TRABD2B: variants seen among roughly 807,000 people sequenced by gnomAD.
The protein encoded by TRABD2B is TraB domain containing 2B.
TRABD2B carries 14 observed loss-of-function variants against 40.1 expected under a neutral mutation model. That is an observed-to-expected ratio of 0.35 (90% confidence interval 0.23 to 0.55). The LOEUF is 0.55. Ranked by LOEUF, TRABD2B falls within the 20% of genes least tolerant of loss-of-function variation. The pLI, the probability that TRABD2B is intolerant of heterozygous loss-of-function variation, is 0.90. For missense variants in TRABD2B, 541 were observed against 648.6 expected, an observed-to-expected ratio of 0.83 and a Z score of 1.80; for synonymous variants, 263 against 277.0, an observed-to-expected ratio of 0.95 and a Z score of 0.50.
chr1:47,887,949 C>T (rs781449860), intron 2 of TRABD2B, among the ~76,000 whole-genome samples: 20 of 152,174 alleles, frequency 1.3e-4, no homozygotes, highest in Admixed American at 3.3e-4. Flanking sequence ...TGCTTCAAAG[C>T]GCCTGTGCCT....
At chr1:47,908,551 C>T (rs1468324467) in intron 2 of TRABD2B, among the ~76,000 whole-genome samples, 3 of 152,194 alleles carry the variant, frequency 2.0e-5, no homozygotes, top group African/African-American at 7.2e-5. Context: ...CCAGTCTGCA[C>T]AGGCTCCTAT....
chr1:47,806,626 A>G (rs564814625), intron 2 of TRABD2B, among the ~76,000 whole-genome samples: 2 of 152,314 alleles, frequency 1.3e-5, no homozygotes, highest in Admixed American at 6.5e-5. Context: ...CCCCTCACCA[A>G]CGCTGGCTGG....
At chr1:47,774,904 G>A (rs1365369248) in intron 6 of TRABD2B, among the ~76,000 whole-genome samples, 2 of 152,252 alleles carry the variant, frequency 1.3e-5, no homozygotes, top group Non-Finnish European at 2.9e-5. Flanking sequence ...AAAGCTGAGT[G>A]CAAAGCAGAT....
intron 2 of TRABD2B, among the ~76,000 whole-genome samples, chr1:47,814,167 G>A (rs993622444): frequency 2.0e-5 from 3 of 152,352 alleles, no homozygotes; most frequent in South Asian, 2.1e-4. Flanking sequence ...TGGGGGCTGC[G>A]GTGAAGCTGG....
rs1644419882 is a variant in TRABD2B, at chr1:47,889,726, C to T, written c.667-88107G>A. ...CTGGACTGGGGCATTTCTACTCAACCTCCAGTCCTTGGCCCCTGAGGCATG... is the reference window on the plus strand; with the variant it reads ...CTGGACTGGGGCATTTCTACTCAACTTCCAGTCCTTGGCCCCTGAGGCATG... On this transcript the variant is annotated intron_variant, in intron 2 of 6. Coordinates refer to ENST00000606738, the MANE Select transcript of TRABD2B (RefSeq NM_001194986.2). 1.3e-5 allele frequency among the ~76,000 whole-genome samples: 2 copies of T among 152,202 alleles called. 1 individual carries two copies. The highest frequency in any genetic ancestry group is 4.1e-4 in the South Asian group (2 of 4,822).
intron 2 of TRABD2B, among the ~76,000 whole-genome samples, chr1:47,827,959 G>C (rs188566768): frequency 6.6e-6 from 1 of 152,162 alleles, no homozygotes; most frequent in South Asian, 2.1e-4. Flanking sequence ...GGATGCAGGG[G>C]CATAAAGGGG....
chr1:47,880,989 G>T (rs1311306281), intron 2 of TRABD2B, among the ~76,000 whole-genome samples: 1 of 152,206 alleles, frequency 6.6e-6, no homozygotes, highest in Non-Finnish European at 1.5e-5. Flanking sequence ...CCCCATGGCG[G>T]TCCATAAATT....
At chr1:47,890,245 C>G (rs931855952) in intron 2 of TRABD2B, among the ~76,000 whole-genome samples, 1 of 152,154 alleles carries the variant, frequency 6.6e-6, no homozygotes, top group Non-Finnish European at 1.5e-5. Flanking sequence ...GTAACAGGAT[C>G]GGGGTCAGGT....
At chr1:47,983,906 C>T (rs1211997561) in intron 2 of TRABD2B, among the ~76,000 whole-genome samples, 2 of 152,172 alleles carry the variant, frequency 1.3e-5, no homozygotes, top group Non-Finnish European at 2.9e-5. Flanking sequence ...GCCAATTAGG[C>T]TTTTGTCTCT....
At position 47,994,133 on chromosome 1, in the gene TRABD2B, G is replaced by A. The variant is rs753268020; in HGVS notation, c.567C>T (p.Tyr189=). 3.3e-6 allele frequency: 5 copies of A among 1,536,182 alleles called. No individual in the cohort carries two copies. The highest frequency in any genetic ancestry group is 1.7e-4 in the Middle Eastern group (1 of 6,012). ...RFRGVPVLDL[Y]LAQQAEKMKK... The stretch of plus-strand genomic sequence containing the variant: ...TCATCTTCTCAGCCTGCTGGGCCAG[G>A]TAGAGGTCGAGCACGGGCACACCAC... Residue 189 remains tyrosine, a synonymous_variant, in exon 2 of 7, where the codon TAC becomes TAT. Transcript: ENST00000606738. The surrounding 1 kb of genome is among the most constrained non-coding windows in gnomAD (Gnocchi z 6.7).
chr1:47,945,230 C>A (rs964624663), intron 2 of TRABD2B, among the ~76,000 whole-genome samples: 5 of 152,088 alleles, frequency 3.3e-5, no homozygotes, highest in Admixed American at 6.6e-5. Flanking sequence ...TTGCCATGTT[C>A]CAGGGAGACG....
At chr1:47,911,382 T>C (rs944057404) in intron 2 of TRABD2B, among the ~76,000 whole-genome samples, 3 of 152,142 alleles carry the variant, frequency 2.0e-5, no homozygotes, top group African/African-American at 4.8e-5. Flanking sequence ...TACAACCTTT[T>C]CCCCAGGCCT....
chr1:47,956,428 CA>C (rs1194901765), intron 2 of TRABD2B, among the ~76,000 whole-genome samples: 2 of 152,192 alleles, frequency 1.3e-5, no homozygotes, highest in Non-Finnish European at 2.9e-5. Context: ...CTGGGAAACT[CA>C]AGGGGTCGGG....
chr1:47,931,523 A>G (rs576701983), intron 2 of TRABD2B, among the ~76,000 whole-genome samples: 1 of 152,244 alleles, frequency 6.6e-6, no homozygotes, highest in East Asian at 1.9e-4. Context: ...GGACTCAGTA[A>G]CACTGGCCGT....
intron 2 of TRABD2B, among the ~76,000 whole-genome samples, chr1:47,904,237 T>C (rs187486439): frequency 3.3e-5 from 5 of 152,170 alleles, no homozygotes; most frequent in Admixed American, 2.0e-4. Context: ...AATGTGGTAA[T>C]AGGTCAGGGT....
intron 2 of TRABD2B, among the ~76,000 whole-genome samples, chr1:47,872,167 C>T (rs550314673): frequency 1.3e-5 from 2 of 152,262 alleles, no homozygotes; most frequent in South Asian, 2.1e-4. Flanking sequence ...CTCTGGGGAC[C>T]CTATGTCTGT....
intron 2 of TRABD2B, among the ~76,000 whole-genome samples, chr1:47,863,987 A>T (rs1244234962): frequency 1.3e-5 from 2 of 152,260 alleles, no homozygotes; most frequent in Non-Finnish European, 2.9e-5. Context: ...TAAGTGAAAG[A>T]AGCCAATCTG....
intron 1 of TRABD2B, among the ~76,000 whole-genome samples, chr1:47,995,869 C>T (rs1343441359): frequency 6.6e-6 from 1 of 152,210 alleles, no homozygotes; most frequent in Admixed American, 6.5e-5. Flanking sequence ...GTGCACCTTG[C>T]CCAAGGTCAG....
intron 2 of TRABD2B, among the ~76,000 whole-genome samples, chr1:47,936,958 CCAT>C (rs1384105901): frequency 6.6e-6 from 1 of 150,616 alleles, no homozygotes; most frequent in African/African-American, 2.4e-5. Flanking sequence ...ATCACCACCA[CCAT>C]CATGATCATC....
Sources: allele counts gnomAD v4.1 joint callset (sites outside exome capture counted in the v4.1 genomes callset), GRCh38; gene constraint gnomAD v4.1.1; non-coding constraint Gnocchi (gnomAD v3.1); transcripts MANE v1.5; gene names NCBI Gene and HGNC (gene_info 2026-07-23, HGNC 2026-07-21).